The following SYNE2 variants were observed in gnomAD, a reference collection of about 807,000 sequenced individuals.
The protein encoded by SYNE2 is spectrin repeat containing nuclear envelope protein 2.
Under a neutral mutation model 856.3 loss-of-function variants are expected in SYNE2, and 431 were observed. The ratio of observed to expected loss-of-function variants is 0.50; its 90% CI spans 0.47 to 0.55. SYNE2 has a LOEUF of 0.55. Among genes scored for constraint, SYNE2 ranks in the 20% least tolerant of loss-of-function variants. The pLI, the probability that SYNE2 is intolerant of heterozygous loss-of-function variation, is 0.00. For missense variants in SYNE2, 8,129 were observed against 8,023.2 expected, an observed-to-expected ratio of 1.01 and a Z score of -0.50; for synonymous variants, 2,923 against 2,872.3, an observed-to-expected ratio of 1.02 and a Z score of -0.56.
rs538260197 is a variant in SYNE2 at position 64,087,888 on chromosome 14, G to A, written c.11670+32G>A. ...TTGCACCATTCATTTAATCATTCAG[G>A]ATTAAATTAGAGGCTGGGCAATGGT... On this transcript the variant is annotated intron_variant, in intron 58 of 115. Coordinates refer to ENST00000555002, the MANE Select transcript of SYNE2 (RefSeq NM_182914.3). 28 of 1,609,404 alleles carry A rather than the reference G, an allele frequency of 1.7e-5. No individual in the cohort carries two copies. The African/African-American group carries it at 3.2e-4, about 18-fold the overall frequency.
chr14:64,177,405 G>C lies in SYNE2; in HGVS notation c.17478G>C (p.Leu5826=), dbSNP rs1035264123. 1 of 1,614,170 alleles carries C rather than the reference G, an allele frequency of 6.2e-7. No individual in the cohort carries two copies. Among genetic ancestry groups the C allele is most frequent in the African/African-American group, 1.3e-5 (1 of 75,046 alleles). Residue 5826 remains leucine, a synonymous_variant, in exon 96 of 116, where the codon CTG becomes CTC. Coordinates refer to ENST00000555002, the MANE Select transcript of SYNE2 (RefSeq NM_182914.3). ...AAATCAAGGAGTTGAAAAGCAGGCTGCAAGTTTTAAAGGCACAAAGTGAAG... is the reference window on the plus strand; with the variant it reads ...AAATCAAGGAGTTGAAAAGCAGGCTCCAAGTTTTAAAGGCACAAAGTGAAG... ...EKKIKELKSR[L]QVLKAQSEDP... is the part of the protein sequence containing the mutation.
At position 64,052,190 on chromosome 14, in the gene SYNE2, T is replaced by G. The variant is rs1219467798; in HGVS notation, c.8277T>G (p.Asp2759Glu). The change falls in exon 48 of 116, where the codon GAT becomes GAG. Residue 2759 changes from aspartate (D) to glutamate (E), a missense_variant. Around this residue, in one of 3 missense-constraint regions of SYNE2, gnomAD observed 5,410 missense variants for 5,284.8 expected, o/e 1.02. Coordinates refer to ENST00000555002, the MANE Select transcript of SYNE2 (RefSeq NM_182914.3). ...ATCCCTCCATTCCCCTTCTCCCAGA[T>G]GACATTCTTTCACAGATCAGAAAGT... ...ELNPSIPLLPDDILSQIRKCK... is the reference protein window; with the variant it reads ...ELNPSIPLLPEDILSQIRKCK... 5.0e-6 allele frequency: 8 copies of G among 1,614,054 alleles called. No homozygotes were observed. The highest frequency in any genetic ancestry group is 6.8e-6 in the Non-Finnish European group (8 of 1,180,040).
At chr14:64,130,439 T>C (rs1264413823) in intron 76 of SYNE2, among the ~76,000 whole-genome samples, 191 bp downstream of exon 76, 1 of 152,168 alleles carries the variant, frequency 6.6e-6, no homozygotes, top group African/African-American at 2.4e-5. Context: ...GGGTTATGAG[T>C]AAAAACAGAC....
chr14:64,112,444 G>A (rs1357466975), intron 65 of SYNE2, among the ~76,000 whole-genome samples: 3 of 152,144 alleles, frequency 2.0e-5, no homozygotes, highest in Non-Finnish European at 4.4e-5. Flanking sequence ...CATATTCTGA[G>A]GAAGGATAGA....
intron 57 of SYNE2, among the ~76,000 whole-genome samples, chr14:64,082,943 G>T (rs1036907554): frequency 6.6e-6 from 1 of 152,088 alleles, no homozygotes; most frequent in African/African-American, 2.4e-5. Context: ...AACATCTTCC[G>T]GATGCTGAGT....
At chr14:63,922,273 G>A (rs1341288667) in intron 2 of SYNE2, among the ~76,000 whole-genome samples, 2 of 152,194 alleles carry the variant, frequency 1.3e-5, no homozygotes, top group Non-Finnish European at 2.9e-5. Context: ...CCAAAGTGCT[G>A]AGATTACAGG....
intron 93 of SYNE2, 111 bp downstream of exon 93, chr14:64,169,082 T>C (rs1477776232): frequency 7.4e-6 from 6 of 815,664 alleles, no homozygotes; most frequent in African/African-American, 3.4e-5. Flanking sequence ...CTGTGCCCTG[T>C]TGGTTGACAG....
In SYNE2 at chr14:64,038,397, A is replaced by G. The variant is rs892695797; in HGVS notation, c.7221+7040A>G. ...AGAGGGGCTCCTCACCTCCCAGACG[A>G]TGGGCGGCCCGGCAGAGACACTCCT... On this transcript the variant is annotated intron_variant, in intron 45 of 115. Coordinates refer to ENST00000555002, the MANE Select transcript of SYNE2 (RefSeq NM_182914.3). 6.6e-5 allele frequency among the ~76,000 whole-genome samples: 10 copies of G among 151,864 alleles called. No individual in the cohort carries two copies. The South Asian group carries it at 2.1e-3, about 32-fold the overall frequency.
intron 45 of SYNE2, among the ~76,000 whole-genome samples, chr14:64,038,210 C>T (rs1219577738): frequency 1.6e-4 from 25 of 152,030 alleles, no homozygotes; most frequent in African/African-American, 5.1e-4. Flanking sequence ...GATGGGCGGC[C>T]GGGCAGAGAC....
At chr14:64,222,444 C>T (rs757787126) in intron 112 of SYNE2, among the ~76,000 whole-genome samples, 3 of 152,176 alleles carry the variant, frequency 2.0e-5, no homozygotes, top group Admixed American at 6.5e-5. Flanking sequence ...AGGCCGGGCA[C>T]GGTGGCTCCC....
At chr14:63,940,518 C>A in intron 2 of SYNE2, 96 bp from the exon 3 acceptor site, 1 of 1,099,532 alleles carries the variant, frequency 9.1e-7, no homozygotes, top group Non-Finnish European at 1.4e-6. Flanking sequence ...GTGAAACAGG[C>A]ACACACCTAG....
chr14:64,002,152 A>T (rs1405763072), intron 29 of SYNE2, 71 bp downstream of exon 29: 11 of 1,250,438 alleles, frequency 8.8e-6, no homozygotes, highest in Non-Finnish European at 1.3e-5. Context: ...ATCCTTATGG[A>T]TTTTTAATTA....
chr14:64,090,418 A>T (rs1193893972), intron 59 of SYNE2, among the ~76,000 whole-genome samples: 1 of 152,230 alleles, frequency 6.6e-6, no homozygotes, highest in Non-Finnish European at 1.5e-5. Context: ...ATTAAAGCAA[A>T]ATATAATTAT....
At chr14:64,186,641 A>G (rs2098492642) in intron 97 of SYNE2, 62 bp downstream of exon 97, 1 of 1,600,276 alleles carries the variant, frequency 6.2e-7, no homozygotes, top group East Asian at 2.2e-5. Flanking sequence ...TCTGAAGGCC[A>G]GACAAAGTAG....
At chr14:63,948,129 G>A (rs1026364191) in intron 6 of SYNE2, among the ~76,000 whole-genome samples, 2 of 147,706 alleles carry the variant, frequency 1.4e-5, no homozygotes, top group Non-Finnish European at 1.5e-5. Context: ...GTTTTCACAC[G>A]TGTGCGTGCG....
intron 1 of SYNE2, among the ~76,000 whole-genome samples, chr14:63,893,050 C>G (rs914492677): frequency 6.6e-6 from 1 of 151,878 alleles, no homozygotes; most frequent in Admixed American, 6.6e-5. Flanking sequence ...TAGAGTTAGA[C>G]CTCAAAGTTA....
chr14:63,824,957 C>T (rs1255766244), intron 1 of SYNE2, among the ~76,000 whole-genome samples: 1 of 151,808 alleles, frequency 6.6e-6, no homozygotes, highest in East Asian at 1.9e-4. Context: ...CACAGTGAAA[C>T]CCCATCTCTA....
In SYNE2 at chr14:64,219,926, T is replaced by G. The variant is rs756406798; in HGVS notation, c.19861-511T>G. ...CCCCACTGGAACTAGCCCAGGGAGC[T>G]GCAAAGGGACAGTTTGAGCCCTGCG... On this transcript the variant is annotated intron_variant, in intron 110 of 115. Coordinates refer to ENST00000555002, the MANE Select transcript of SYNE2 (RefSeq NM_182914.3). Among the ~76,000 whole-genome samples, 151 of 152,208 alleles carry G rather than the reference T, an allele frequency of 9.9e-4. 1 individual carries two copies. The highest frequency in any genetic ancestry group is 4.7e-4 in the Non-Finnish European group (32 of 68,040).
At chr14:63,767,822 A>G (rs1886742747) in intron 1 of SYNE2, among the ~76,000 whole-genome samples, 1 of 152,120 alleles carries the variant, frequency 6.6e-6, no homozygotes, top group African/African-American at 2.4e-5. Flanking sequence ...ATTAATAAAA[A>G]CTCATCTCAG....
Sources: gnomAD v4.1 joint callset for allele counts (sites outside exome capture counted in the v4.1 genomes callset) on GRCh38, gnomAD v4.1.1 for gene constraint, gnomAD v4.1.1 regional missense constraint, MANE v1.5 for transcripts, NCBI Gene and HGNC (gene_info 2026-07-23, HGNC 2026-07-21) for gene names.